Variants in CNTNAP2 observed in about 807,000 individuals in gnomAD.
CNTNAP2 encodes contactin-associated protein-like 2.
CNTNAP2 carries 98 observed loss-of-function variants against 155.2 expected under a neutral mutation model. The ratio of observed to expected loss-of-function variants is 0.63; its 90% CI spans 0.54 to 0.75. CNTNAP2 has a LOEUF of 0.75. CNTNAP2 is among the 30% of genes least tolerant of loss of function. The pLI, the probability that CNTNAP2 is intolerant of heterozygous loss-of-function variation, is 0.00. For synonymous variants in CNTNAP2, 651 were observed against 631.2 expected, an observed-to-expected ratio of 1.03 and a Z score of -0.47; for missense variants, 1,727 against 1,688.1, an observed-to-expected ratio of 1.02 and a Z score of -0.40.
At chr7:147,530,920 C>T (rs1038816846) in intron 11 of CNTNAP2, among the ~76,000 whole-genome samples, 7 of 152,166 alleles carry the variant, frequency 4.6e-5, no homozygotes, top group Non-Finnish European at 8.8e-5. Flanking sequence ...AATAGGATTA[C>T]AGGTTTTGGA....
At chr7:147,274,330 T>C (rs138918977) in intron 8 of CNTNAP2, among the ~76,000 whole-genome samples, 5 of 152,284 alleles carry the variant, frequency 3.3e-5, no homozygotes, top group Admixed American at 3.3e-4. Context: ...TTTTTGACTT[T>C]TTAGTAATAG....
chr7:146,674,672 G>A (rs765261119), intron 1 of CNTNAP2, among the ~76,000 whole-genome samples: 26 of 152,118 alleles, frequency 1.7e-4, no homozygotes, highest in Non-Finnish European at 3.4e-4. Context: ...CCCCAAAGAG[G>A]CAGTTGGACC....
At chr7:148,212,503 A>T (rs1439811809) in intron 18 of CNTNAP2, among the ~76,000 whole-genome samples, 2 of 152,182 alleles carry the variant, frequency 1.3e-5, no homozygotes, top group African/African-American at 4.8e-5. Context: ...TAAAACTTAG[A>T]CTATTAGCAT....
intron 20 of CNTNAP2, among the ~76,000 whole-genome samples, chr7:148,246,179 C>T (rs139553584): frequency 2.5e-3 from 388 of 152,270 alleles, no homozygotes; most frequent in African/African-American, 8.6e-3. Context: ...GCCAATGTTT[C>T]GACTCCATCC....
rs115672906 is a variant in CNTNAP2, at chr7:148,399,898, A to G, written c.3716-9493A>G. Reference sequence around the variant, plus strand: ...AAACACACACACACACGAGCAGCTGAAGACCTGAGTCACCAATGGTCTACA... The same window carrying G: ...AAACACACACACACACGAGCAGCTGGAGACCTGAGTCACCAATGGTCTACA... On this transcript the variant is annotated intron_variant, in intron 22 of 23. Transcript: ENST00000361727. Among the ~76,000 whole-genome samples the G allele has an allele frequency of 6.6e-3, 998 of 152,264 alleles. 13 individuals carry two copies. The highest frequency in any genetic ancestry group is 0.022 in the African/African-American group (908 of 41,552).
chr7:147,692,980 A>G (rs1796110410), intron 13 of CNTNAP2, among the ~76,000 whole-genome samples: 1 of 151,940 alleles, frequency 6.6e-6, no homozygotes. Flanking sequence ...AGCATTTTAC[A>G]TTTAGGTCTA....
At chr7:147,598,025 A>C (rs1800859870) in intron 12 of CNTNAP2, among the ~76,000 whole-genome samples, 1 of 152,184 alleles carries the variant, frequency 6.6e-6, no homozygotes, top group South Asian at 2.1e-4. Flanking sequence ...AATGGGAAGG[A>C]GCAGTTCTAA....
intron 13 of CNTNAP2, among the ~76,000 whole-genome samples, chr7:147,669,080 T>A (rs1795745501): frequency 6.6e-6 from 1 of 152,242 alleles, no homozygotes; most frequent in South Asian, 2.1e-4. Context: ...TACAGGTTTA[T>A]AACCTAGGAG....
At chr7:146,343,781 A>G (rs1794771491) in intron 1 of CNTNAP2, among the ~76,000 whole-genome samples, 1 of 152,138 alleles carries the variant, frequency 6.6e-6, no homozygotes, top group Non-Finnish European at 1.5e-5. Context: ...TTTTAATAGC[A>G]TAAAATAAAG....
At chr7:148,276,293 G>GAT (rs1796869404) in intron 21 of CNTNAP2, among the ~76,000 whole-genome samples, 1 of 152,208 alleles carries the variant, frequency 6.6e-6, no homozygotes, top group Non-Finnish European at 1.5e-5. Context: ...CAGGAAAGTA[G>GAT]AGACATGAAA....
At chr7:147,253,848 C>A (rs928404240) in intron 8 of CNTNAP2, among the ~76,000 whole-genome samples, 4 of 152,142 alleles carry the variant, frequency 2.6e-5, no homozygotes, top group Admixed American at 6.5e-5. Flanking sequence ...ATCTTCTGTG[C>A]CAAGCACTGT....
chr7:148,078,842 A>T (rs1299398905), intron 15 of CNTNAP2, among the ~76,000 whole-genome samples: 1 of 152,258 alleles, frequency 6.6e-6, no homozygotes, highest in Non-Finnish European at 1.5e-5. Flanking sequence ...ACATATTTTT[A>T]AAAATAATAA....
chr7:147,738,844 AG>A (rs1452387288), intron 13 of CNTNAP2, among the ~76,000 whole-genome samples: 2 of 151,874 alleles, frequency 1.3e-5, no homozygotes, highest in Non-Finnish European at 2.9e-5. Context: ...TAGTACAGAC[AG>A]GGTTTCGCCA....
chr7:147,460,756 C>T (rs929736068), intron 10 of CNTNAP2, among the ~76,000 whole-genome samples: 8 of 152,172 alleles, frequency 5.3e-5, no homozygotes, highest in African/African-American at 1.7e-4. Context: ...TGAGTATTCA[C>T]ATGTGTGGAA....
At chr7:146,301,855 G>C (rs1800617245) in intron 1 of CNTNAP2, among the ~76,000 whole-genome samples, 1 of 152,098 alleles carries the variant, frequency 6.6e-6, no homozygotes, top group African/African-American at 2.4e-5. Context: ...GTATTGTGAA[G>C]GAGGTTGATG....
intron 1 of CNTNAP2, among the ~76,000 whole-genome samples, chr7:146,690,757 A>G (rs531220698): frequency 1.3e-5 from 2 of 152,282 alleles, no homozygotes; most frequent in South Asian, 4.1e-4. Flanking sequence ...ATAATTTTTG[A>G]AAGAAAAAAG....
At chr7:147,735,140 C>T (rs1438891134) in intron 13 of CNTNAP2, among the ~76,000 whole-genome samples, 1 of 152,108 alleles carries the variant, frequency 6.6e-6, no homozygotes, top group African/African-American at 2.4e-5. Context: ...ATCTTTCCTG[C>T]TTTCTCTTGT....
chr7:146,163,565 AT>A (rs1457745415), intron 1 of CNTNAP2, among the ~76,000 whole-genome samples: 1 of 130,174 alleles, frequency 7.7e-6, no homozygotes, highest in East Asian at 2.0e-4. Flanking sequence ...ATCTATATCT[AT>A]CTATATCTAT....
chr7:146,470,823 CT>C (rs1195815579), intron 1 of CNTNAP2, among the ~76,000 whole-genome samples: 1 of 152,082 alleles, frequency 6.6e-6, no homozygotes, highest in Non-Finnish European at 1.5e-5. Flanking sequence ...CTGCCTGGGC[CT>C]CCCAAAGTGC....
Sources: gnomAD v4.1 joint callset for allele counts (sites outside exome capture counted in the v4.1 genomes callset) on GRCh38, gnomAD v4.1.1 for gene constraint, MANE v1.5 for transcripts, NCBI Gene and HGNC (gene_info 2026-07-23, HGNC 2026-07-21) for gene names.